The following PPARGC1A variants were observed in gnomAD, a reference collection of about 807,000 sequenced individuals.
PPARGC1A encodes PPARG coactivator 1 alpha.
A neutral mutation model predicts 88.7 loss-of-function variants in PPARGC1A; 25 were observed. That is an observed-to-expected ratio of 0.28 (90% CI 0.21 to 0.39). The LOEUF (loss-of-function observed/expected upper bound fraction) is 0.39, where lower values mean the gene tolerates loss of function less well. PPARGC1A is among the 10% of genes least tolerant of loss of function. The pLI, the probability that PPARGC1A is intolerant of heterozygous loss-of-function variation, is 1.00. For synonymous variants in PPARGC1A, 363 were observed against 355.6 expected (o/e 1.02, Z -0.24); for missense variants, 880 against 968.7 (o/e 0.91, Z 1.22).
At chr4:24,424,290 T>TTTTTTTTTTTTTTTTTTTC in the PPARGC1A span, among the ~76,000 whole-genome samples, 1 of 111,326 alleles carries the variant, frequency 9.0e-6, no homozygotes, top group African/African-American at 3.3e-5. Flanking sequence ...TTTTTTTTTT[T>TTTTTTTTTTTTTTTTTTTC]TTTGAGACAG....
the PPARGC1A span, among the ~76,000 whole-genome samples, chr4:24,337,189 C>CA: frequency 2.0e-5 from 3 of 152,110 alleles, no homozygotes; most frequent in African/African-American, 7.2e-5. Context: ...GTGAAACAGG[C>CA]AAAAAATTGG....
the PPARGC1A span, among the ~76,000 whole-genome samples, chr4:24,232,437 G>C: frequency 1.3e-5 from 2 of 152,154 alleles, no homozygotes; most frequent in Non-Finnish European, 2.9e-5. Flanking sequence ...CTTTGGACTG[G>C]CAGAGGACAT....
chr4:23,858,929 T>C (rs1381426473), intron 2 of PPARGC1A, among the ~76,000 whole-genome samples: 2 of 149,188 alleles, frequency 1.3e-5, no homozygotes, highest in Non-Finnish European at 3.0e-5. Flanking sequence ...ATAAATTATA[T>C]AGATTTAAAG....
chr4:24,367,024 C>T, the PPARGC1A span, among the ~76,000 whole-genome samples: 1 of 152,180 alleles, frequency 6.6e-6, no homozygotes, highest in South Asian at 2.1e-4. Context: ...AACTCCTGCT[C>T]TTTTCTGGTG....
chr4:24,446,899 T>C, the PPARGC1A span, among the ~76,000 whole-genome samples: 27 of 152,112 alleles, frequency 1.8e-4, no homozygotes, highest in African/African-American at 5.1e-4. Context: ...CACTCCCAGA[T>C]TGAATTTATT....
chr4:24,038,352 A>T, the PPARGC1A span, among the ~76,000 whole-genome samples: 9 of 152,204 alleles, frequency 5.9e-5, no homozygotes, highest in Non-Finnish European at 8.8e-5. Context: ...TGGGTGCATT[A>T]GAGTTTACCT....
At chr4:24,106,268 A>T in the PPARGC1A span, among the ~76,000 whole-genome samples, 1 of 152,140 alleles carries the variant, frequency 6.6e-6, no homozygotes, top group African/African-American at 2.4e-5. Flanking sequence ...TTTCTTATGA[A>T]TTTCCCAGTC....
At chr4:24,217,363 T>C in the PPARGC1A span, among the ~76,000 whole-genome samples, 2 of 152,150 alleles carry the variant, frequency 1.3e-5, no homozygotes, top group Admixed American at 6.5e-5. Context: ...TTCCATACCG[T>C]CATAGAAGTG....
the PPARGC1A span, among the ~76,000 whole-genome samples, chr4:24,110,714 AG>A: frequency 6.0e-4 from 91 of 152,358 alleles, no homozygotes; most frequent in African/African-American, 2.2e-3. Flanking sequence ...AACACTTGAC[AG>A]GCACATTAAA....
the PPARGC1A span, among the ~76,000 whole-genome samples, chr4:24,129,231 T>A: frequency 6.6e-6 from 1 of 151,422 alleles, no homozygotes; most frequent in Non-Finnish European, 1.5e-5. Flanking sequence ...CGGATTTCAA[T>A]TCTTCATCCA....
chr4:24,242,341 C>T, the PPARGC1A span, among the ~76,000 whole-genome samples: 3 of 152,206 alleles, frequency 2.0e-5, no homozygotes, highest in Admixed American at 2.0e-4. Context: ...CAGCACTGGC[C>T]CTGTGCTCTA....
At chr4:23,851,824 T>C (rs1224622809) in intron 2 of PPARGC1A, among the ~76,000 whole-genome samples, 2 of 152,206 alleles carry the variant, frequency 1.3e-5, no homozygotes, top group South Asian at 4.1e-4. Flanking sequence ...TGCTGTGTCT[T>C]ACAGAAGCTA....
intron 7 of PPARGC1A, among the ~76,000 whole-genome samples, chr4:23,815,150 G>A (rs555013023): frequency 6.6e-6 from 1 of 150,736 alleles, no homozygotes; most frequent in Admixed American, 6.6e-5. Flanking sequence ...AAGATGGGAT[G>A]ACAGGAAATA....
the PPARGC1A span, among the ~76,000 whole-genome samples, chr4:24,051,600 C>T: frequency 3.6e-4 from 55 of 152,124 alleles, no homozygotes; most frequent in Non-Finnish European, 1.6e-4. Context: ...TGCTGGGATT[C>T]GCATCCACAT....
At chr4:24,370,468 C>T in the PPARGC1A span, among the ~76,000 whole-genome samples, 2 of 152,128 alleles carry the variant, frequency 1.3e-5, no homozygotes, top group Non-Finnish European at 2.9e-5. Context: ...TGAATGACTT[C>T]GAATTGAAAA....
At chr4:24,280,081 C>G in the PPARGC1A span, among the ~76,000 whole-genome samples, 2 of 152,168 alleles carry the variant, frequency 1.3e-5, no homozygotes, top group African/African-American at 4.8e-5. Context: ...CCTGATGCAT[C>G]CCAGCCAGAC....
the PPARGC1A span, among the ~76,000 whole-genome samples, chr4:24,448,975 G>A: frequency 1.3e-5 from 2 of 152,252 alleles, no homozygotes; most frequent in African/African-American, 2.4e-5. Context: ...CAAGATTATA[G>A]TTCCCCTTAA....
At chr4:24,374,944 G>T in the PPARGC1A span, among the ~76,000 whole-genome samples, 5 of 149,482 alleles carry the variant, frequency 3.3e-5, no homozygotes, top group East Asian at 1.0e-3. Context: ...GCACCTGCAT[G>T]TTTATAGCGG....
At chr4:23,929,851 C>A in the PPARGC1A span, among the ~76,000 whole-genome samples, 8 of 152,162 alleles carry the variant, frequency 5.3e-5, no homozygotes, top group Non-Finnish European at 1.2e-4. Flanking sequence ...GCATTCATTG[C>A]GCCCTAGGCT....
Sources: gnomAD v4.1 joint callset for allele counts (sites outside exome capture counted in the v4.1 genomes callset) on GRCh38, gnomAD v4.1.1 for gene constraint, MANE v1.5 for transcripts, NCBI Gene and HGNC (gene_info 2026-07-23, HGNC 2026-07-21) for gene names.